Variants in ZSCAN18 observed in about 807,000 individuals in gnomAD.
ZSCAN18 encodes the protein zinc finger and SCAN domain-containing protein 18.
Under a neutral mutation model 31.1 loss-of-function variants are expected in ZSCAN18, and 16 were observed. The ratio of observed to expected loss-of-function variants is 0.51; its 90% CI spans 0.35 to 0.78. The LOEUF is 0.78. Ranked by LOEUF, ZSCAN18 falls within the 30% of genes least tolerant of loss-of-function variation. The probability of loss-of-function intolerance (pLI) is 0.01; values close to 1 mark genes in which losing one functional copy is unlikely to be tolerated. For missense variants in ZSCAN18, 731 were observed against 697.4 expected (o/e 1.05, Z -0.54); for synonymous variants, 375 against 320.7 (o/e 1.17, Z -1.81).
chr19:58,113,002 AAC>A (rs2074698817), intron 1 of ZSCAN18, among the ~76,000 whole-genome samples: 1 of 149,968 alleles, frequency 6.7e-6, no homozygotes. Context: ...GATATTGAGA[AAC>A]ACAATTTTCA....
intron 2 of ZSCAN18, 52 bp from the exon 3 acceptor site, chr19:58,088,889 C>A: frequency 6.4e-7 from 1 of 1,562,072 alleles, no homozygotes; most frequent in South Asian, 1.2e-5. Flanking sequence ...CACGTGCCAA[C>A]AACAATCACA....
At chr19:58,107,612 C>T (rs1285519618) in intron 1 of ZSCAN18, 95 of 962,286 alleles carry the variant, frequency 9.9e-5, no homozygotes, top group Non-Finnish European at 1.1e-4. Context: ...CATGTGCTGT[C>T]ATCCAGGATT....
chr19:58,108,491 C>T, intron 1 of ZSCAN18: 1 of 985,916 alleles, frequency 1.0e-6, no homozygotes, highest in Non-Finnish European at 1.2e-6. Flanking sequence ...TGAAGGCTTT[C>T]CCACTTCTTG....
At chr19:58,112,529 T>C (rs1351075614) in intron 1 of ZSCAN18, among the ~76,000 whole-genome samples, 1 of 151,960 alleles carries the variant, frequency 6.6e-6, no homozygotes, top group African/African-American at 2.4e-5. Context: ...CAGGCACCTG[T>C]AGTCCCAGCT....
At chr19:58,116,027 G>A (rs779043301) in intron 1 of ZSCAN18, among the ~76,000 whole-genome samples, 3 of 151,668 alleles carry the variant, frequency 2.0e-5, no homozygotes, top group Non-Finnish European at 4.4e-5. Flanking sequence ...ATAGAGCAGT[G>A]AAGGCCGGTG....
upstream of ZSCAN18, among the ~76,000 whole-genome samples, chr19:58,101,340 A>G (rs1409571131): frequency 7.4e-5 from 10 of 135,762 alleles, no homozygotes; most frequent in Admixed American, 5.6e-4. Context: ...TAGTAGAGAC[A>G]GGGTTTCACC....
rs1324934439 is a variant in ZSCAN18 at position 58,085,475 on chromosome 19, C to A, written c.839-96G>T. The A allele has an allele frequency of 3.5e-6, 4 of 1,136,950 alleles. No homozygotes were observed. In the East Asian group the frequency reaches 8.0e-5, roughly 23 times the overall value. The allele number at this position is 1,136,950 out of a possible 1,614,324, so 70.4% of individuals were successfully genotyped here. A position where few individuals can be genotyped will look rare whatever the true frequency, so the allele number is the denominator to read the frequency against. Reference sequence around the variant, plus strand: ...TCAGCTGCCGGAACAGCGCACAGGGCTCCGGGCTCTGGATCCCCGCGGGGC... The same window carrying A: ...TCAGCTGCCGGAACAGCGCACAGGGATCCGGGCTCTGGATCCCCGCGGGGC... On this transcript the variant is annotated intron_variant, in intron 6 of 6. Coordinates refer to ENST00000601144, the MANE Select transcript of ZSCAN18 (RefSeq NM_001145543.2).
chr19:58,116,063 G>T (rs956064105), intron 1 of ZSCAN18, among the ~76,000 whole-genome samples: 1 of 150,780 alleles, frequency 6.6e-6, no homozygotes, highest in African/African-American at 2.5e-5. Flanking sequence ...CTAGTACAAG[G>T]TTGGGGAGAG....
chr19:58,116,206 A>C (rs900184303), intron 1 of ZSCAN18, among the ~76,000 whole-genome samples: 3 of 146,084 alleles, frequency 2.1e-5, no homozygotes, highest in South Asian at 4.5e-4. Flanking sequence ...TCTAAAAAAA[A>C]CCCCCAAAAA....
chr19:58,109,121 G>C (rs552348290), intron 1 of ZSCAN18: 1 of 1,228,008 alleles, frequency 8.1e-7, no homozygotes, highest in Non-Finnish European at 1.0e-6. Context: ...GATGCTGTTT[G>C]CCTCAAATGC....
At chr19:58,105,893 C>T (rs1159083166) in intron 1 of ZSCAN18, among the ~76,000 whole-genome samples, 1 of 151,496 alleles carries the variant, frequency 6.6e-6, no homozygotes, top group Non-Finnish European at 1.5e-5. Context: ...GCATCAGGAT[C>T]GCCTGAACCC....
At chr19:58,117,432 G>A (rs1225350209) in intron 1 of ZSCAN18, among the ~76,000 whole-genome samples, 1 of 152,122 alleles carries the variant, frequency 6.6e-6, no homozygotes, top group Non-Finnish European at 1.5e-5. Context: ...AGGAAGCCTG[G>A]CTGGGAATGT....
intron 1 of ZSCAN18, chr19:58,107,967 C>A: frequency 9.5e-7 from 1 of 1,057,734 alleles, no homozygotes; most frequent in Non-Finnish European, 1.2e-6. Flanking sequence ...CCAGATGAGG[C>A]CCGCGATGTT....
intron 1 of ZSCAN18, among the ~76,000 whole-genome samples, chr19:58,111,133 A>G (rs1600013189): frequency 6.6e-6 from 1 of 151,386 alleles, no homozygotes; most frequent in Non-Finnish European, 1.5e-5. Context: ...GCGCCACTGC[A>G]CTCCAGCCTG....
At chr19:58,088,594 C>A in intron 3 of ZSCAN18, 94 bp downstream of exon 3, 1 of 1,375,008 alleles carries the variant, frequency 7.3e-7, no homozygotes, top group Non-Finnish European at 9.9e-7. Flanking sequence ...CCCCTGACTC[C>A]CTGGCTGCCC....
intron 1 of ZSCAN18, chr19:58,107,923 C>T (rs546198993): frequency 3.7e-4 from 397 of 1,075,264 alleles, no homozygotes; most frequent in Non-Finnish European, 4.3e-4. Context: ...CGATTACACT[C>T]GTAGGGCTTC....
chr19:58,117,061 C>T (rs190878766), intron 1 of ZSCAN18, among the ~76,000 whole-genome samples: 2 of 146,924 alleles, frequency 1.4e-5, no homozygotes, highest in African/African-American at 4.9e-5. Context: ...GTGAGATCCT[C>T]TGACACTACT....
chr19:58,100,143 T>C (rs2074581370), upstream of ZSCAN18, among the ~76,000 whole-genome samples: 1 of 151,560 alleles, frequency 6.6e-6, no homozygotes, highest in Non-Finnish European at 1.5e-5. Context: ...TTTTAAGAGA[T>C]GGGGTCTCAC....
intron 1 of ZSCAN18, among the ~76,000 whole-genome samples, chr19:58,093,831 T>C (rs958930809): frequency 3.3e-5 from 5 of 152,042 alleles, no homozygotes; most frequent in Non-Finnish European, 5.9e-5. Flanking sequence ...TGTGGCACAA[T>C]GTCAGCTCAC....
Sources: gnomAD v4.1 joint callset for allele counts (sites outside exome capture counted in the v4.1 genomes callset) on GRCh38, gnomAD v4.1.1 for gene constraint, MANE v1.5 for transcripts, NCBI Gene and HGNC (gene_info 2026-07-23, HGNC 2026-07-21) for gene names.